Variants in CACNA2D3 observed in about 807,000 individuals in gnomAD.
The protein encoded by CACNA2D3 is voltage-dependent calcium channel subunit alpha-2/delta-3.
Under a neutral mutation model 160.6 loss-of-function variants are expected in CACNA2D3, and 60 were observed. The observed-to-expected ratio is 0.37, with a 90% confidence interval of 0.30 to 0.46. The LOEUF (loss-of-function observed/expected upper bound fraction) is 0.46, where lower values mean the gene tolerates loss of function less well. Among genes scored for constraint, CACNA2D3 ranks in the 20% least tolerant of loss-of-function variants. The probability of loss-of-function intolerance (pLI) is 1.00; values close to 1 mark genes in which losing one functional copy is unlikely to be tolerated. For missense variants in CACNA2D3, 1,205 were observed against 1,365.0 expected (o/e 0.88, Z 1.85); for synonymous variants, 558 against 492.9 (o/e 1.13, Z -1.75).
At chr3:54,249,056 G>A (rs894018989) in intron 2 of CACNA2D3, among the ~76,000 whole-genome samples, 2 of 152,134 alleles carry the variant, frequency 1.3e-5, no homozygotes, top group African/African-American at 4.8e-5. Context: ...TTATATCATA[G>A]TATTTAAGTT....
At chr3:54,195,345 C>A (rs567937945) in intron 2 of CACNA2D3, among the ~76,000 whole-genome samples, 6 of 152,186 alleles carry the variant, frequency 3.9e-5, no homozygotes, top group Admixed American at 1.3e-4. Context: ...TCAGCTCTGT[C>A]CAAAGCTCAC....
chr3:54,398,247 C>T (rs1355089440), intron 4 of CACNA2D3, among the ~76,000 whole-genome samples: 3 of 126,794 alleles, frequency 2.4e-5, no homozygotes, highest in Non-Finnish European at 3.3e-5. Flanking sequence ...ATACAGCACA[C>T]TGATGGGTCT....
intron 28 of CACNA2D3, 55 bp from the exon 29 acceptor site, chr3:54,969,745 C>T: frequency 6.6e-7 from 1 of 1,525,544 alleles, no homozygotes; most frequent in Non-Finnish European, 9.1e-7. Context: ...ACAGCAGGCA[C>T]TGGGATGCCC....
intron 5 of CACNA2D3, among the ~76,000 whole-genome samples, chr3:54,560,709 G>A (rs1189717270): frequency 1.3e-5 from 2 of 152,098 alleles, no homozygotes; most frequent in African/African-American, 2.4e-5. Flanking sequence ...ATAGTTTTGG[G>A]TTTTACATTT....
At chr3:54,297,250 C>G (rs538863088) in intron 2 of CACNA2D3, among the ~76,000 whole-genome samples, 6 of 152,296 alleles carry the variant, frequency 3.9e-5, no homozygotes, top group African/African-American at 1.2e-4. Flanking sequence ...TGTTGTAGGA[C>G]TAAACTACTA....
At chr3:54,583,260 G>A (rs1016929349) in intron 9 of CACNA2D3, among the ~76,000 whole-genome samples, 12 of 152,100 alleles carry the variant, frequency 7.9e-5, no homozygotes, top group African/African-American at 2.9e-4. Flanking sequence ...TTGCTTCCCA[G>A]AGGAACAAAG....
intron 30 of CACNA2D3, among the ~76,000 whole-genome samples, chr3:54,985,143 T>G (rs1702587088): frequency 6.6e-6 from 1 of 152,202 alleles, no homozygotes; most frequent in Admixed American, 6.5e-5. Flanking sequence ...ATCAGTTATC[T>G]GAGTTCAAGG....
rs141675443 is a variant in CACNA2D3 at position 54,926,985 on chromosome 3, T to G, written c.2449+27117T>G. Among the ~76,000 whole-genome samples, 10 of 152,336 alleles carry G rather than the reference T, an allele frequency of 6.6e-5. No homozygotes were observed. The East Asian group carries it at 1.4e-3, about 21-fold the overall frequency. On this transcript the variant is annotated intron_variant, in intron 27 of 37. Coordinates refer to ENST00000474759, the MANE Select transcript of CACNA2D3 (RefSeq NM_018398.3). ...CTTCTTTTTTTTTGAGACTTGAATTTCAAAATATGACAAACATCTGCCAAG... is the reference window on the plus strand; with the variant it reads ...CTTCTTTTTTTTTGAGACTTGAATTGCAAAATATGACAAACATCTGCCAAG...
intron 13 of CACNA2D3, among the ~76,000 whole-genome samples, chr3:54,794,912 C>A (rs1182678434): frequency 2.0e-5 from 3 of 151,942 alleles, no homozygotes; most frequent in Admixed American, 6.6e-5. Flanking sequence ...GGTTCATTAA[C>A]CTTCTTGGAT....
At chr3:55,016,125 T>C (rs1703321222) in intron 34 of CACNA2D3, among the ~76,000 whole-genome samples, 1 of 152,174 alleles carries the variant, frequency 6.6e-6, no homozygotes. Context: ...GACAGAGGGA[T>C]AGTGTCTGAA....
chr3:54,166,651 G>C (rs1011377590), intron 2 of CACNA2D3, among the ~76,000 whole-genome samples: 2 of 152,150 alleles, frequency 1.3e-5, no homozygotes, highest in Non-Finnish European at 2.9e-5. Context: ...AGTTAAAAAG[G>C]TGTTAGTGAT....
At chr3:54,645,654 G>C (rs1699619360) in intron 11 of CACNA2D3, among the ~76,000 whole-genome samples, 1 of 152,134 alleles carries the variant, frequency 6.6e-6, no homozygotes, top group Admixed American at 6.5e-5. Context: ...CCAGCCTCCG[G>C]GGATTTGTTC....
At chr3:54,128,267 AT>A (rs148755171) in intron 2 of CACNA2D3, among the ~76,000 whole-genome samples, 6,795 of 152,266 alleles carry the variant, frequency 0.045, 203 homozygotes, top group Middle Eastern at 0.071. Flanking sequence ...CACAGTTATT[AT>A]TTCCAGTTTT....
chr3:54,654,458 C>T (rs927075104), intron 11 of CACNA2D3, among the ~76,000 whole-genome samples: 4 of 152,052 alleles, frequency 2.6e-5, no homozygotes, highest in Admixed American at 2.0e-4. Flanking sequence ...AATTGCAAAT[C>T]TAGTATTGAT....
chr3:55,044,435 A>G (rs1021105255), intron 35 of CACNA2D3, among the ~76,000 whole-genome samples: 9 of 152,152 alleles, frequency 5.9e-5, no homozygotes, highest in Non-Finnish European at 1.3e-4. Context: ...TGATTTTTCT[A>G]TATTTATCTC....
intron 16 of CACNA2D3, 35 bp downstream of exon 16, chr3:54,838,683 C>T (rs1456779158): frequency 1.4e-6 from 2 of 1,416,120 alleles, no homozygotes; most frequent in South Asian, 1.1e-5. Context: ...ATCAAAGCAA[C>T]AGAGATGCCC....
At chr3:54,378,250 T>C (rs1157651385) in intron 3 of CACNA2D3, among the ~76,000 whole-genome samples, 2 of 152,226 alleles carry the variant, frequency 1.3e-5, no homozygotes, top group Non-Finnish European at 1.5e-5. Context: ...GATGAGGCTG[T>C]TCCACCTCAG....
At chr3:54,388,025 C>T (rs2106664725) in intron 4 of CACNA2D3, among the ~76,000 whole-genome samples, 1 of 152,280 alleles carries the variant, frequency 6.6e-6, no homozygotes, top group South Asian at 2.1e-4. Flanking sequence ...TACAACAATG[C>T]ATATTCAAGT....
intron 2 of CACNA2D3, among the ~76,000 whole-genome samples, chr3:54,175,506 G>A (rs1217130944): frequency 6.6e-6 from 1 of 151,460 alleles, no homozygotes; most frequent in African/African-American, 2.4e-5. Flanking sequence ...CCAGCTACTC[G>A]GAAGGCTGAG....
Sources: allele counts gnomAD v4.1 joint callset (sites outside exome capture counted in the v4.1 genomes callset), GRCh38; gene constraint gnomAD v4.1.1; transcripts MANE v1.5; gene names NCBI Gene and HGNC (gene_info 2026-07-23, HGNC 2026-07-21).